SEC23IP: variants seen among roughly 807,000 people sequenced by gnomAD.
SEC23IP encodes SEC23 interacting protein, also known as SEC23-interacting protein.
In SEC23IP, 70 loss-of-function variants were observed where a neutral mutation model predicts 113.4. The ratio of observed to expected loss-of-function variants is 0.62; its 90% confidence interval spans 0.51 to 0.75. The LOEUF is 0.75. SEC23IP is among the 30% of genes least tolerant of loss of function. The probability of loss-of-function intolerance (pLI) is 0.00; values close to 1 mark genes in which losing one functional copy is unlikely to be tolerated. For synonymous variants in SEC23IP, 398 were observed against 421.0 expected, an observed-to-expected ratio of 0.95 and a Z score of 0.67; for missense variants, 1,160 against 1,204.9, an observed-to-expected ratio of 0.96 and a Z score of 0.55.
At chr10:119,893,514 C>CTTTTTTTT (rs60552712) in intron 1 of SEC23IP, among the ~76,000 whole-genome samples, 1 of 85,338 alleles carries the variant, frequency 1.2e-5, no homozygotes, top group Non-Finnish European at 2.2e-5. Context: ...CATTCCTTAT[C>CTTTTTTTT]TTTTTTTTTT....
Position 119,926,372 on chromosome 10 carries a change from TTTC to T in SEC23IP, c.2313+152_2313+154del, listed in dbSNP as rs1278490232. ...CTGATTTTCTCTTAGTGAAAATTTT[TTTC>T]TTCTTCAACAGTGCTCACAATAAGG... is the stretch of plus-strand genomic sequence containing the variant. On this transcript the variant is annotated intron_variant, in intron 13 of 18. Coordinates refer to ENST00000369075, the MANE Select transcript of SEC23IP (RefSeq NM_007190.4). The T allele has an allele frequency of 3.0e-5, 25 of 823,478 alleles. No individual in the cohort carries two copies. The South Asian group carries it at 3.6e-4, about 12-fold the overall frequency. 51.0% of individuals were successfully genotyped at this position (823,478 alleles called of 1,614,324 possible).
At chr10:119,915,278 T>G (rs985757470) in intron 7 of SEC23IP, among the ~76,000 whole-genome samples, 1 of 152,206 alleles carries the variant, frequency 6.6e-6, no homozygotes, top group African/African-American at 2.4e-5. Context: ...CATTTGACCC[T>G]CACAAATAAA....
chr10:119,915,795 A>T lies in SEC23IP; in HGVS notation c.1450A>T (p.Lys484Ter). 1 of 1,603,470 alleles carries T rather than the reference A, an allele frequency of 6.2e-7. No homozygotes were observed. The highest frequency in any genetic ancestry group is 8.5e-7 in the Non-Finnish European group (1 of 1,174,496). The change falls in exon 8 of 19, where the codon AAG (lysine) becomes TAG (stop). Residue 484 changes from lysine to a stop codon, truncating the protein, a stop_gained. Coordinates refer to ENST00000369075, the MANE Select transcript of SEC23IP (RefSeq NM_007190.4). LOFTEE classifies it high-confidence loss of function. Reference sequence around the variant, plus strand: ...TCTCAAATTGCTGCGGACACATTTCAAGAAATCTTTAGATGACGGGAAAGT... The same window carrying T: ...TCTCAAATTGCTGCGGACACATTTCTAGAAATCTTTAGATGACGGGAAAGT... ...VSLKLLRTHF[K>*]KSLDDGKVSR...
At chr10:119,909,824 A>T (rs1483632147) in intron 5 of SEC23IP, among the ~76,000 whole-genome samples, 1 of 152,080 alleles carries the variant, frequency 6.6e-6, no homozygotes, top group East Asian at 1.9e-4. Flanking sequence ...CAAGAGTTTG[A>T]GATTGTAGTG....
At chr10:119,918,820 T>A (rs1855141233) in intron 10 of SEC23IP, among the ~76,000 whole-genome samples, 1 of 152,138 alleles carries the variant, frequency 6.6e-6, no homozygotes, top group South Asian at 2.1e-4. Context: ...CATATTAAAG[T>A]ACACCGAGGT....
chr10:119,898,664 C>T lies in SEC23IP; in HGVS notation c.401C>T (p.Ser134Leu). ...TGSQDVSNAF[S>L]PSISKAQPGA... The stretch of plus-strand genomic sequence containing the variant: ...TCCCAAGATGTCTCGAATGCATTTT[C>T]ACCATCCATTTCGAAGGCTCAACCT... Residue 134 changes from serine to leucine, a missense_variant, in exon 2 of 19, where the codon TCA becomes TTA. By Grantham distance (145) the Ser-to-Leu change is moderately radical. Transcript: ENST00000369075. The T allele has an allele frequency of 6.2e-7, 1 of 1,614,246 alleles. No homozygotes were observed. The highest frequency in any genetic ancestry group is 8.5e-7 in the Non-Finnish European group (1 of 1,180,042).
chr10:119,940,507 C>G (rs1008567460), intron 18 of SEC23IP, 79 bp from the exon 19 acceptor site: 1 of 151,920 alleles, frequency 6.6e-6, no homozygotes, highest in East Asian at 1.9e-4. Context: ...TCTTTTACTT[C>G]AGAAAAGACA....
chr10:119,906,827 C>T (rs1179283365), intron 4 of SEC23IP, among the ~76,000 whole-genome samples: 4 of 152,058 alleles, frequency 2.6e-5, no homozygotes, highest in Non-Finnish European at 4.4e-5. Context: ...CCACCCACCT[C>T]GGCCTCCCAG....
Position 119,919,495 on chromosome 10 carries a change from G to A in SEC23IP, c.1924G>A (p.Glu642Lys). ...TLDESYDLVV[E>K]NKEVLTLQET... ...GGATGAGTCGTATGACCTTGTTGTT[G>A]AAAATAAAGAAGTCCTAACTTTGCA... Residue 642 changes from glutamate to lysine, a missense_variant, in exon 11 of 19, where the codon GAA (glutamate) becomes AAA (lysine). By Grantham distance (56) the Glu-to-Lys change is moderately conservative (BLOSUM62 1). Transcript: ENST00000369075. 7 of 1,613,260 alleles carry A rather than the reference G, an allele frequency of 4.3e-6. No individual in the cohort carries two copies. Among genetic ancestry groups the A allele is most frequent in the Non-Finnish European group, 5.9e-6 (7 of 1,179,708 alleles).
In SEC23IP at chr10:119,926,022, T is replaced by G. The variant is rs1225196223; in HGVS notation, c.2122-14T>G. On this transcript the variant is annotated splice_polypyrimidine_tract_variant and intron_variant, in intron 12 of 18. Coordinates refer to ENST00000369075, the MANE Select transcript of SEC23IP (RefSeq NM_007190.4). ...TTTCTCATGATTATGTTACTAAATT[T>G]TGGTATTTTACAGAAAAAAGCAGCG... 6.3e-7 allele frequency: 1 copy of G among 1,599,202 alleles called. No individual in the cohort carries two copies.
Position 119,929,763 on chromosome 10 carries a change from G to A in SEC23IP, c.2469+1G>A. ...AGGGTTCTTCAATATTTATCATCCGGTGAGTAATTGAATTTACTTTGTTTT... is the reference window on the plus strand; with the variant it reads ...AGGGTTCTTCAATATTTATCATCCGATGAGTAATTGAATTTACTTTGTTTT... On this transcript the variant is annotated splice_donor_variant, in intron 14 of 18. Coordinates refer to ENST00000369075, the MANE Select transcript of SEC23IP (RefSeq NM_007190.4). LOFTEE classifies it high-confidence loss of function. 1 of 1,562,238 alleles carries A rather than the reference G, an allele frequency of 6.4e-7. No individual in the cohort carries two copies. The highest frequency in any genetic ancestry group is 8.7e-7 in the Non-Finnish European group (1 of 1,150,028).
intron 18 of SEC23IP, among the ~76,000 whole-genome samples, chr10:119,936,975 C>T (rs1855809855): frequency 6.6e-6 from 1 of 151,820 alleles, no homozygotes; most frequent in South Asian, 2.1e-4. Context: ...GCAAGCTCCT[C>T]CTCCCGGGTT....
intron 13 of SEC23IP, among the ~76,000 whole-genome samples, chr10:119,928,721 A>G (rs1855497077): frequency 6.6e-6 from 1 of 152,262 alleles, no homozygotes; most frequent in African/African-American, 2.4e-5. Flanking sequence ...AACAAATGAA[A>G]GAGCTTTGCA....
chr10:119,912,451 T>G (rs1854894737), intron 6 of SEC23IP, among the ~76,000 whole-genome samples: 1 of 152,004 alleles, frequency 6.6e-6, no homozygotes, highest in South Asian at 2.1e-4. Context: ...CTTTTTGATT[T>G]TATTACTTTT....
chr10:119,898,966 A>G lies in SEC23IP; in HGVS notation c.696+7A>G, dbSNP rs780214246. 4 of 1,548,104 alleles carry G rather than the reference A, an allele frequency of 2.6e-6. No homozygotes were observed. The Admixed American group carries it at 7.7e-5, about 30-fold the overall frequency. ...TCCAGGATCTTTGCCACCGGTATGG[A>G]GACATGATTTTGTGTCCTACTTATT... On this transcript the variant is annotated splice_region_variant and intron_variant, in intron 2 of 18. Transcript: ENST00000369075.
Position 119,892,957 on chromosome 10 carries a change from AGGGCGGCCCCGTGTGTGGTGGGAGGC to A in SEC23IP, c.163+19_163+44del, listed in dbSNP as rs761821771. On this transcript the variant is annotated intron_variant, in intron 1 of 18. Transcript: ENST00000369075. ...GCTCTTACCGGGAGGTAATAAGGGG[AGGGCGGCCCCGTGTGTGGTGGGAGGC>A]GGGCGGGGGACGTGCAATGACAAAG... 27 of 1,604,246 alleles carry A rather than the reference AGGGCGGCCCCGTGTGTGGTGGGAGGC, an allele frequency of 1.7e-5. No homozygotes were observed. Among genetic ancestry groups the A allele is most frequent in the African/African-American group, 2.7e-5 (2 of 74,384 alleles).
intron 2 of SEC23IP, among the ~76,000 whole-genome samples, chr10:119,900,046 T>G (rs2475306): frequency 1.3e-5 from 2 of 150,100 alleles, no homozygotes; most frequent in Admixed American, 6.7e-5. Flanking sequence ...TCCCTTCCCC[T>G]CATCGTTTTT....
chr10:119,930,280 C>T, intron 14 of SEC23IP, 49 bp from the exon 15 acceptor site: 1 of 1,177,424 alleles, frequency 8.5e-7, no homozygotes. Flanking sequence ...TAACTCAAAA[C>T]AGCTTTCATA....
chr10:119,920,855 A>T, intron 11 of SEC23IP, 34 bp from the exon 12 acceptor site: 2 of 1,377,376 alleles, frequency 1.5e-6, no homozygotes, highest in Non-Finnish European at 2.1e-6. Flanking sequence ...CTATCACTAG[A>T]TTGATTAATG....
Sources: gnomAD v4.1 joint callset for allele counts (sites outside exome capture counted in the v4.1 genomes callset) on GRCh38, gnomAD v4.1.1 for gene constraint, MANE v1.5 for transcripts, NCBI Gene and HGNC (gene_info 2026-07-23, HGNC 2026-07-21) for gene names.